Variants in MALRD1 observed in about 807,000 individuals in gnomAD.
MALRD1 encodes MAM and LDL receptor class A domain containing 1, also known as MAM and LDL-receptor class A domain-containing protein 1.
MALRD1 carries 247 observed loss-of-function variants against 242.1 expected under a neutral mutation model. The ratio of observed to expected loss-of-function variants is 1.02; its 90% CI spans 0.92 to 1.13. The LOEUF is 1.13. MALRD1 is among the 50% of genes most tolerant of loss of function. The pLI is 0.00. For missense variants in MALRD1, 2,989 were observed against 2,533.1 expected, an observed-to-expected ratio of 1.18 and a Z score of -3.86; for synonymous variants, 995 against 866.6, an observed-to-expected ratio of 1.15 and a Z score of -2.60.
At chr10:19,411,596 T>G (rs1833278293) in intron 28 of MALRD1, among the ~76,000 whole-genome samples, 1 of 152,166 alleles carries the variant, frequency 6.6e-6, no homozygotes, top group African/African-American at 2.4e-5. Flanking sequence ...TTAATGTTAG[T>G]AAGTGGTTGA....
intron 9 of MALRD1, among the ~76,000 whole-genome samples, chr10:19,135,210 A>G (rs541636050): frequency 6.6e-6 from 1 of 152,268 alleles, no homozygotes; most frequent in East Asian, 1.9e-4. Flanking sequence ...GCTGGAGTGC[A>G]GTGATGGGAT....
intron 4 of MALRD1, among the ~76,000 whole-genome samples, chr10:19,098,720 T>G (rs1012420351): frequency 2.0e-5 from 3 of 152,140 alleles, no homozygotes; most frequent in African/African-American, 7.2e-5. Flanking sequence ...GGTTCATTGT[T>G]TCATGCCAAG....
At chr10:19,201,464 G>C (rs1360930593) in intron 14 of MALRD1, among the ~76,000 whole-genome samples, 1 of 151,922 alleles carries the variant, frequency 6.6e-6, no homozygotes, top group East Asian at 1.9e-4. Context: ...AGATAATAAG[G>C]TTCCCCTTCC....
intron 35 of MALRD1, among the ~76,000 whole-genome samples, chr10:19,610,792 G>A (rs903355582): frequency 4.6e-5 from 7 of 151,954 alleles, no homozygotes; most frequent in Middle Eastern, 3.2e-3. Flanking sequence ...ACTCAAGTAA[G>A]TTATATGAAA....
At chr10:19,238,552 G>GTATAATA (rs1838590804) in intron 18 of MALRD1, among the ~76,000 whole-genome samples, 2 of 77,184 alleles carry the variant, frequency 2.6e-5, no homozygotes, top group African/African-American at 1.1e-4. Context: ...AATATATAAT[G>GTATAATA]TATATTATAT....
intron 1 of MALRD1, among the ~76,000 whole-genome samples, chr10:19,054,288 T>C (rs1834599497): frequency 6.6e-6 from 1 of 152,178 alleles, no homozygotes; most frequent in Non-Finnish European, 1.5e-5. Context: ...TATACAATTA[T>C]GGGGTACACA....
chr10:19,435,336 CAATT>C lies in MALRD1; in HGVS notation c.4846-14970_4846-14967del, dbSNP rs531461234. On this transcript the variant is annotated intron_variant, in intron 28 of 39. Coordinates refer to ENST00000454679, the MANE Select transcript of MALRD1 (RefSeq NM_001142308.3). Reference sequence around the variant, plus strand: ...TTACATTAGAATAGTACATTTGTCACAATTGATGAACCAATATTGTCCGCTGTTA... The same window carrying C: ...TTACATTAGAATAGTACATTTGTCACGATGAACCAATATTGTCCGCTGTTA... 3.9e-3 allele frequency among the ~76,000 whole-genome samples: 593 copies of C among 152,112 alleles called. 3 individuals are homozygous for C. Among genetic ancestry groups the C allele is most frequent in the Middle Eastern group, 0.014 (4 of 294 alleles).
At chr10:19,570,565 T>G (rs570158377) in intron 33 of MALRD1, among the ~76,000 whole-genome samples, 2 of 152,162 alleles carry the variant, frequency 1.3e-5, no homozygotes, top group Non-Finnish European at 2.9e-5. Flanking sequence ...AGGTGCCTAA[T>G]ACATAATTTA....
At chr10:19,254,222 C>G (rs1432444856) in intron 18 of MALRD1, among the ~76,000 whole-genome samples, 1 of 152,024 alleles carries the variant, frequency 6.6e-6, no homozygotes, top group Non-Finnish European at 1.5e-5. Context: ...ATGATACAGG[C>G]TTTTGAGTCT....
chr10:19,312,400 A>G lies in MALRD1; in HGVS notation c.3420-11549A>G, dbSNP rs202121857. Among the ~76,000 whole-genome samples, 446 of 143,632 alleles carry G rather than the reference A, an allele frequency of 3.1e-3. 3 individuals carry two copies. The highest frequency in any genetic ancestry group is 9.9e-3 in the African/African-American group (385 of 38,710). 94.2% of individuals were successfully genotyped at this position (143,632 alleles called of 152,430 possible). On this transcript the variant is annotated intron_variant, in intron 21 of 39. Transcript: ENST00000454679. ...TGTGTATATATATATATATATATAT[A>G]TGTGTATATGTGTGTGTGTGTGTGT... is the stretch of plus-strand genomic sequence containing the variant.
intron 21 of MALRD1, 51 bp from the exon 22 acceptor site, chr10:19,323,898 A>C: frequency 6.6e-7 from 1 of 1,523,528 alleles, no homozygotes; most frequent in South Asian, 1.2e-5. Flanking sequence ...GGCGTGAGCC[A>C]CCGTGCCCGG....
chr10:19,478,094 T>C (rs534253223), intron 29 of MALRD1, among the ~76,000 whole-genome samples: 1 of 152,344 alleles, frequency 6.6e-6, no homozygotes, highest in South Asian at 2.1e-4. Context: ...AAGGGAAATC[T>C]TACCAAGGAC....
chr10:19,500,595 C>T (rs1461548813), intron 31 of MALRD1, among the ~76,000 whole-genome samples: 2 of 152,176 alleles, frequency 1.3e-5, no homozygotes, highest in African/African-American at 4.8e-5. Flanking sequence ...TTTAAAACCT[C>T]CTAAACCCAA....
chr10:19,079,876 G>T (rs1835429303), intron 2 of MALRD1, among the ~76,000 whole-genome samples: 2 of 151,940 alleles, frequency 1.3e-5, no homozygotes, highest in Non-Finnish European at 2.9e-5. Flanking sequence ...AAACCCCATT[G>T]TCTCAGCCCA....
intron 23 of MALRD1, among the ~76,000 whole-genome samples, chr10:19,328,440 C>G (rs1307907776): frequency 6.6e-6 from 1 of 152,104 alleles, no homozygotes; most frequent in East Asian, 1.9e-4. Context: ...CTGCCTGGGT[C>G]TTAATTCCAT....
At chr10:19,662,917 A>G (rs1008944766) in intron 36 of MALRD1, among the ~76,000 whole-genome samples, 16 of 152,304 alleles carry the variant, frequency 1.1e-4, no homozygotes, top group African/African-American at 3.6e-4. Context: ...TCCATTTTTC[A>G]TTAATCATAG....
At chr10:19,544,661 T>C (rs769034767) in intron 32 of MALRD1, among the ~76,000 whole-genome samples, 4 of 152,270 alleles carry the variant, frequency 2.6e-5, no homozygotes, top group East Asian at 3.9e-4. Flanking sequence ...CCACTAAAAG[T>C]AGATCTTTGG....
chr10:19,612,075 C>T (rs1237703073), intron 35 of MALRD1, among the ~76,000 whole-genome samples: 2 of 152,000 alleles, frequency 1.3e-5, no homozygotes, highest in South Asian at 2.1e-4. Flanking sequence ...TTCTGATACT[C>T]TGCAGTCTCA....
intron 14 of MALRD1, among the ~76,000 whole-genome samples, chr10:19,203,231 C>T (rs1271364002): frequency 1.3e-5 from 2 of 152,086 alleles, no homozygotes; most frequent in Non-Finnish European, 2.9e-5. Context: ...ATGCATATAA[C>T]ACTTTGTGAA....
Sources: allele counts gnomAD v4.1 joint callset (sites outside exome capture counted in the v4.1 genomes callset), GRCh38; gene constraint gnomAD v4.1.1; transcripts MANE v1.5; gene names NCBI Gene and HGNC (gene_info 2026-07-23, HGNC 2026-07-21).